WWOX: variants seen among roughly 807,000 people sequenced by gnomAD.
The protein encoded by WWOX is WW domain containing oxidoreductase.
WWOX carries 69 observed loss-of-function variants against 46.2 expected under a neutral mutation model. The observed-to-expected ratio is 1.49, with a 90% CI of 1.23 to 1.82. The LOEUF (loss-of-function observed/expected upper bound fraction) is 1.82, where lower values mean the gene tolerates loss of function less well. Among genes scored for constraint, WWOX ranks in the 40% most tolerant of loss-of-function variants. WWOX has a pLI of 0.00. For missense variants in WWOX, 919 were observed against 542.6 expected (o/e 1.69, Z -6.89); for synonymous variants, 359 against 202.6 (o/e 1.77, Z -6.56).
chr16:78,894,497 C>G (rs991785616), intron 8 of WWOX, among the ~76,000 whole-genome samples: 3 of 152,204 alleles, frequency 2.0e-5, no homozygotes, highest in East Asian at 1.9e-4. Flanking sequence ...GAAACACAGG[C>G]TTGAGTTTGG....
intron 8 of WWOX, among the ~76,000 whole-genome samples, chr16:79,178,707 A>G (rs933367099): frequency 5.3e-5 from 8 of 152,190 alleles, no homozygotes; most frequent in Non-Finnish European, 1.2e-4. Context: ...TTCCAAAGGT[A>G]TGGGATGTGC....
rs982129172 is a variant in WWOX, at chr16:78,305,688, A to C, written c.517-81172A>C. On this transcript the variant is annotated intron_variant, in intron 5 of 8. Coordinates refer to ENST00000566780, the MANE Select transcript of WWOX (RefSeq NM_016373.4). ...CTTGTTTTGGTAATGATTTAATGAC[A>C]GAAAGTCACCCACCCACCACTTGGG... 2.6e-5 allele frequency among the ~76,000 whole-genome samples: 4 copies of C among 152,116 alleles called. No individual in the cohort carries two copies. The South Asian group carries it at 8.3e-4, about 32-fold the overall frequency.
intron 8 of WWOX, among the ~76,000 whole-genome samples, chr16:79,054,302 A>C (rs1567517850): frequency 6.6e-6 from 1 of 152,164 alleles, no homozygotes; most frequent in Non-Finnish European, 1.5e-5. Flanking sequence ...TAGGCCCGCA[A>C]AACATATCCC....
chr16:78,967,184 A>G (rs946387686), intron 8 of WWOX, among the ~76,000 whole-genome samples: 20 of 151,676 alleles, frequency 1.3e-4, no homozygotes, highest in African/African-American at 4.3e-4. Context: ...GCCCTGAGAG[A>G]TACCTGGAAG....
intron 8 of WWOX, among the ~76,000 whole-genome samples, chr16:78,871,929 A>C (rs1290035997): frequency 6.6e-6 from 1 of 152,060 alleles, no homozygotes; most frequent in Non-Finnish European, 1.5e-5. Context: ...TGGCCCCTCA[A>C]CCTGTTTTCT....
intron 8 of WWOX, among the ~76,000 whole-genome samples, chr16:78,581,487 AC>A (rs749725957): frequency 1.3e-5 from 2 of 152,118 alleles, no homozygotes; most frequent in Non-Finnish European, 2.9e-5. Flanking sequence ...TTATAGTTTA[AC>A]CCTTTGAAGT....
At chr16:78,589,219 G>A (rs2045294803) in intron 8 of WWOX, among the ~76,000 whole-genome samples, 1 of 152,186 alleles carries the variant, frequency 6.6e-6, no homozygotes, top group Admixed American at 6.5e-5. Flanking sequence ...TGCGGTAAGT[G>A]CTCAGGAGGG....
intron 8 of WWOX, among the ~76,000 whole-genome samples, chr16:78,494,995 A>C (rs1597163932): frequency 6.6e-6 from 1 of 152,030 alleles, no homozygotes; most frequent in Non-Finnish European, 1.5e-5. Flanking sequence ...CTGTGGCGAA[A>C]CCCAGGGGGT....
chr16:78,698,564 AC>A (rs1235480995), intron 8 of WWOX, among the ~76,000 whole-genome samples: 1 of 152,228 alleles, frequency 6.6e-6, no homozygotes, highest in Non-Finnish European at 1.5e-5. Flanking sequence ...GAATTTAGGT[AC>A]AGACCTTAAA....
intron 8 of WWOX, among the ~76,000 whole-genome samples, chr16:78,934,432 C>G (rs925358371): frequency 2.7e-5 from 4 of 148,264 alleles, no homozygotes; most frequent in African/African-American, 1.0e-4. Context: ...TCACTTGAGT[C>G]CAGGAGGTCA....
At chr16:78,997,032 A>G (rs2047004038) in intron 8 of WWOX, among the ~76,000 whole-genome samples, 1 of 152,206 alleles carries the variant, frequency 6.6e-6, no homozygotes, top group Non-Finnish European at 1.5e-5. Flanking sequence ...GTCTGCTGAT[A>G]GTTGATAGTG....
chr16:78,109,392 G>A (rs2032354661), intron 2 of WWOX, among the ~76,000 whole-genome samples: 1 of 151,826 alleles, frequency 6.6e-6, no homozygotes, highest in African/African-American at 2.4e-5. Flanking sequence ...ATGTGCACAT[G>A]AAAAAAAATG....
chr16:78,575,022 AATATATATATATATATATATATAT>A (rs1215227335), intron 8 of WWOX, among the ~76,000 whole-genome samples: 9 of 13,996 alleles, frequency 6.4e-4, no homozygotes, highest in Admixed American at 1.7e-3. Context: ...TATATATATA[AATATATATATATATATATATATAT>A]ATATATATAT....
intron 8 of WWOX, among the ~76,000 whole-genome samples, chr16:79,176,609 C>G (rs899324914): frequency 6.6e-6 from 1 of 152,164 alleles, no homozygotes; most frequent in Non-Finnish European, 1.5e-5. Flanking sequence ...GAAAGTTAAA[C>G]TGATGTCTGT....
At chr16:78,119,411 C>T (rs1464844556) in intron 4 of WWOX, among the ~76,000 whole-genome samples, 1 of 152,050 alleles carries the variant, frequency 6.6e-6, no homozygotes, top group Non-Finnish European at 1.5e-5. Context: ...AAAATGCTGC[C>T]CCCTGCTACC....
At chr16:78,664,032 C>T (rs1341156187) in intron 8 of WWOX, among the ~76,000 whole-genome samples, 3 of 152,124 alleles carry the variant, frequency 2.0e-5, no homozygotes, top group African/African-American at 7.2e-5. Context: ...AAACAGGTGA[C>T]ATAATTTGAA....
At chr16:78,146,447 G>C (rs183551274) in intron 4 of WWOX, among the ~76,000 whole-genome samples, 1 of 152,232 alleles carries the variant, frequency 6.6e-6, no homozygotes, top group East Asian at 1.9e-4. Context: ...TATAGCTGTC[G>C]AGTCTCCAGA....
intron 8 of WWOX, among the ~76,000 whole-genome samples, chr16:78,568,472 A>G (rs1200746608): frequency 2.7e-5 from 4 of 148,234 alleles, no homozygotes; most frequent in African/African-American, 9.9e-5. Flanking sequence ...AAAAGCTTCC[A>G]ACTTTTTTTT....
At chr16:78,680,533 C>G (rs1204198810) in intron 8 of WWOX, among the ~76,000 whole-genome samples, 3 of 151,966 alleles carry the variant, frequency 2.0e-5, no homozygotes, top group East Asian at 1.9e-4. Context: ...GGAAAGAAAA[C>G]AAACAAACAA....
Sources: allele counts gnomAD v4.1 joint callset (sites outside exome capture counted in the v4.1 genomes callset), GRCh38; gene constraint gnomAD v4.1.1; transcripts MANE v1.5; gene names NCBI Gene and HGNC (gene_info 2026-07-23, HGNC 2026-07-21).